DDX10: variants seen among roughly 807,000 people sequenced by gnomAD.
The protein encoded by DDX10 is DEAD-box helicase 10, also known as probable ATP-dependent RNA helicase DDX10.
A neutral mutation model predicts 104.3 loss-of-function variants in DDX10; 74 were observed. That is an observed-to-expected ratio of 0.71 (90% CI 0.59 to 0.86). The LOEUF (loss-of-function observed/expected upper bound fraction) is 0.86, where lower values mean the gene tolerates loss of function less well. Among genes scored for constraint, DDX10 ranks in the 40% least tolerant of loss-of-function variants. The pLI is 0.00. For missense variants in DDX10, 952 were observed against 1,040.0 expected (o/e 0.92, Z 1.16); for synonymous variants, 351 against 353.4 (o/e 0.99, Z 0.08).
chr11:108,918,198 G>T (rs1008380291), intron 17 of DDX10, 180 bp downstream of exon 17: 2 of 641,724 alleles, frequency 3.1e-6, no homozygotes, highest in Non-Finnish European at 5.4e-6. Context: ...GCTGCAGATT[G>T]TTCTGGTCAT....
intron 16 of DDX10, among the ~76,000 whole-genome samples, chr11:108,863,599 G>A (rs1344290174): frequency 1.3e-5 from 2 of 152,098 alleles, no homozygotes; most frequent in African/African-American, 4.8e-5. Context: ...TTATCGGAAG[G>A]CTTCAGCCTC....
At chr11:108,904,907 C>G (rs1427210336) in intron 16 of DDX10, among the ~76,000 whole-genome samples, 3 of 152,136 alleles carry the variant, frequency 2.0e-5, no homozygotes, top group Non-Finnish European at 4.4e-5. Context: ...TCTGAGCAGC[C>G]TAAGACTTGC....
Position 108,940,733 on chromosome 11 carries a change from A to G in DDX10, c.*310A>G, listed in dbSNP as rs1212309190. Reference sequence around the variant, plus strand: ...AAACACTGCCTTTGTCTTACTGGCAAGTTCTGGAGCTCTTGTGTCATTGTT... The same window carrying G: ...AAACACTGCCTTTGTCTTACTGGCAGGTTCTGGAGCTCTTGTGTCATTGTT... On this transcript the variant is annotated 3_prime_UTR_variant, in exon 18 of 18. Transcript: ENST00000322536. The G allele has an allele frequency of 1.1e-5, 3 of 266,478 alleles. No individual in the cohort carries two copies. Among genetic ancestry groups the G allele is most frequent in the African/African-American group, 6.5e-5 (3 of 46,352 alleles). 16.5% of individuals were successfully genotyped at this position (266,478 alleles called of 1,614,324 possible).
chr11:108,691,399 G>A (rs1159971561), intron 7 of DDX10, among the ~76,000 whole-genome samples: 1 of 152,104 alleles, frequency 6.6e-6, no homozygotes, highest in African/African-American at 2.4e-5. Flanking sequence ...AAGAGAACCA[G>A]AACAATTAGC....
At chr11:108,780,447 T>TA (rs1395815275) in intron 13 of DDX10, among the ~76,000 whole-genome samples, 1 of 152,182 alleles carries the variant, frequency 6.6e-6, no homozygotes, top group East Asian at 1.9e-4. Flanking sequence ...TGTGCTTCCC[T>TA]ATAGGTCTAG....
intron 13 of DDX10, among the ~76,000 whole-genome samples, chr11:108,824,924 C>T (rs1862375761): frequency 6.6e-6 from 1 of 151,956 alleles, no homozygotes; most frequent in Non-Finnish European, 1.5e-5. Flanking sequence ...ATGGGATTTT[C>T]CCTTAACTAT....
intron 16 of DDX10, among the ~76,000 whole-genome samples, chr11:108,896,124 C>T (rs1160211999): frequency 1.3e-5 from 2 of 152,110 alleles, no homozygotes; most frequent in African/African-American, 4.8e-5. Flanking sequence ...TATTATCCAT[C>T]TTAGATCATA....
intron 16 of DDX10, among the ~76,000 whole-genome samples, chr11:108,906,492 G>C (rs936829737): frequency 1.3e-5 from 2 of 152,178 alleles, no homozygotes; most frequent in Non-Finnish European, 2.9e-5. Context: ...TTGAATGGTA[G>C]ATGTCAGTGT....
At chr11:108,746,948 C>T (rs569016863) in intron 13 of DDX10, among the ~76,000 whole-genome samples, 4 of 152,090 alleles carry the variant, frequency 2.6e-5, no homozygotes, top group African/African-American at 9.7e-5. Flanking sequence ...AGACTTGAAT[C>T]TTGAAGAAAA....
At chr11:108,673,601 G>A in intron 2 of DDX10, 74 bp downstream of exon 2, 1 of 1,115,592 alleles carries the variant, frequency 9.0e-7, no homozygotes, top group Non-Finnish European at 1.3e-6. Context: ...AGATTTAGAG[G>A]GTTTAGCCTG....
chr11:108,837,586 G>T lies in DDX10; in HGVS notation c.1966-860G>T, dbSNP rs934478026. On this transcript the variant is annotated intron_variant, in intron 13 of 17. Coordinates refer to ENST00000322536, the MANE Select transcript of DDX10 (RefSeq NM_004398.4). ...CAGTACTTCCTGTTAAGTGTTTTCT[G>T]CATCTCACCTTTGGATACAGCTTTT... Among the ~76,000 whole-genome samples, 5 of 103,040 alleles carry T rather than the reference G, an allele frequency of 4.9e-5. No homozygotes were observed. In the East Asian group the frequency reaches 1.6e-3, roughly 33 times the overall value. The allele number at this position is 103,040 out of a possible 152,430, so 67.6% of individuals were successfully genotyped here.
chr11:108,848,049 C>T (rs1320668107), intron 15 of DDX10, among the ~76,000 whole-genome samples: 1 of 152,116 alleles, frequency 6.6e-6, no homozygotes, highest in Non-Finnish European at 1.5e-5. Flanking sequence ...TGAATTAAAA[C>T]GTGGAGGATG....
chr11:108,842,162 C>G (rs937103040), intron 15 of DDX10, among the ~76,000 whole-genome samples: 3 of 152,046 alleles, frequency 2.0e-5, no homozygotes, highest in African/African-American at 7.2e-5. Context: ...TTTCTGTTAT[C>G]CTTGATATAG....
intron 15 of DDX10, among the ~76,000 whole-genome samples, chr11:108,843,780 G>C (rs1862675157): frequency 6.6e-6 from 1 of 151,654 alleles, no homozygotes; most frequent in African/African-American, 2.4e-5. Context: ...TGCACATTGA[G>C]AATTCATGCT....
At chr11:108,936,069 C>T (rs1465760609) in intron 17 of DDX10, among the ~76,000 whole-genome samples, 1 of 152,036 alleles carries the variant, frequency 6.6e-6, no homozygotes, top group Non-Finnish European at 1.5e-5. Flanking sequence ...TGAAAATAAC[C>T]CATGATTCAT....
chr11:108,725,186 C>G (rs972131424), intron 13 of DDX10, among the ~76,000 whole-genome samples: 2 of 152,010 alleles, frequency 1.3e-5, no homozygotes, highest in African/African-American at 4.8e-5. Context: ...GTAAGTATTT[C>G]ATTGGATGGA....
intron 11 of DDX10, among the ~76,000 whole-genome samples, chr11:108,718,385 T>C (rs2134471788): frequency 6.6e-6 from 1 of 152,318 alleles, no homozygotes; most frequent in Non-Finnish European, 1.5e-5. Flanking sequence ...TGGTTAATAT[T>C]CATTTTTCTT....
intron 13 of DDX10, among the ~76,000 whole-genome samples, chr11:108,763,383 T>TA (rs1405709778): frequency 3.3e-5 from 5 of 152,108 alleles, no homozygotes; most frequent in Non-Finnish European, 5.9e-5. Context: ...ACATAAACAT[T>TA]AAAAAAACCT....
At chr11:108,689,944 G>A (rs2094249829) in intron 7 of DDX10, among the ~76,000 whole-genome samples, 1 of 152,084 alleles carries the variant, frequency 6.6e-6, no homozygotes, top group African/African-American at 2.4e-5. Context: ...GCCTTGGTGC[G>A]GTGGCTCACG....
Sources: allele counts gnomAD v4.1 joint callset (sites outside exome capture counted in the v4.1 genomes callset), GRCh38; gene constraint gnomAD v4.1.1; transcripts MANE v1.5; gene names NCBI Gene and HGNC (gene_info 2026-07-23, HGNC 2026-07-21).